MTA3: variants seen among roughly 807,000 people sequenced by gnomAD.
MTA3 encodes metastasis-associated protein MTA3.
A neutral mutation model predicts 83.5 loss-of-function variants in MTA3; 34 were observed. The ratio of observed to expected loss-of-function variants is 0.41; its 90% confidence interval spans 0.31 to 0.54. The LOEUF (loss-of-function observed/expected upper bound fraction) is 0.54. Among genes scored for constraint, MTA3 ranks in the 20% least tolerant of loss-of-function variants. MTA3 has a pLI of 0.33. For missense variants in MTA3, 761 were observed against 726.4 expected, an observed-to-expected ratio of 1.05 and a Z score of -0.55; for synonymous variants, 303 against 252.7, an observed-to-expected ratio of 1.20 and a Z score of -1.89.
chr2:42,660,732 C>T (rs191696693), intron 8 of MTA3, among the ~76,000 whole-genome samples: 1 of 152,160 alleles, frequency 6.6e-6, no homozygotes, highest in Admixed American at 6.5e-5. Flanking sequence ...ATATTGTTTT[C>T]TAATGAAATG....
chr2:42,633,787 G>C (rs967879034), intron 4 of MTA3, among the ~76,000 whole-genome samples: 3 of 150,904 alleles, frequency 2.0e-5, no homozygotes, highest in African/African-American at 7.3e-5. Context: ...CCAGCTGGAG[G>C]CTGAGGCAGG....
At chr2:42,664,944 C>T (rs1039923721) in intron 8 of MTA3, among the ~76,000 whole-genome samples, 2 of 152,182 alleles carry the variant, frequency 1.3e-5, no homozygotes, top group Non-Finnish European at 2.9e-5. Context: ...CTCACATCCT[C>T]ATTTTGAAAT....
intron 9 of MTA3, among the ~76,000 whole-genome samples, chr2:42,690,201 A>G (rs1270556692): frequency 6.6e-6 from 1 of 152,242 alleles, no homozygotes; most frequent in East Asian, 1.9e-4. Context: ...TGAAGCGTGC[A>G]TCATTAATTT....
At chr2:42,727,152 T>G (rs1034185543) in intron 16 of MTA3, among the ~76,000 whole-genome samples, 1 of 152,182 alleles carries the variant, frequency 6.6e-6, no homozygotes, top group Non-Finnish European at 1.5e-5. Context: ...GAGCTATGAT[T>G]GTATCACTGT....
At chr2:42,584,926 A>G (rs1218514723) in intron 3 of MTA3, among the ~76,000 whole-genome samples, 1 of 151,308 alleles carries the variant, frequency 6.6e-6, no homozygotes, top group Admixed American at 6.6e-5. Context: ...TAAGTCCAGA[A>G]GCCATAAGAT....
intron 16 of MTA3, among the ~76,000 whole-genome samples, chr2:42,744,615 C>T (rs191481409): frequency 6.6e-6 from 1 of 151,436 alleles, no homozygotes; most frequent in African/African-American, 2.4e-5. Flanking sequence ...AGAGCTAGGT[C>T]TGAGAGCTAG....
chr2:42,738,794 C>G (rs143335898), intron 16 of MTA3, among the ~76,000 whole-genome samples: 87 of 152,240 alleles, frequency 5.7e-4, no homozygotes, highest in African/African-American at 2.0e-3. Flanking sequence ...CTGAACTGGC[C>G]CCCCAGGGCG....
intron 2 of MTA3, among the ~76,000 whole-genome samples, chr2:42,544,850 T>C (rs1250680759): frequency 6.6e-6 from 1 of 152,198 alleles, no homozygotes; most frequent in Non-Finnish European, 1.5e-5. Flanking sequence ...GTGGGTCAAG[T>C]ACAGCCTGAT....
At chr2:42,691,355 C>T (rs977134376) in intron 9 of MTA3, among the ~76,000 whole-genome samples, 2 of 152,158 alleles carry the variant, frequency 1.3e-5, no homozygotes, top group African/African-American at 4.8e-5. Flanking sequence ...GTAATCACCT[C>T]TTAGAACATC....
At chr2:42,522,324 T>G (rs1185042077) in intron 2 of MTA3, among the ~76,000 whole-genome samples, 2 of 152,176 alleles carry the variant, frequency 1.3e-5, no homozygotes, top group African/African-American at 4.8e-5. Flanking sequence ...ATCAGAGCAC[T>G]GTGGCATCCC....
chr2:42,683,249 C>T (rs916958853), intron 9 of MTA3, among the ~76,000 whole-genome samples: 2 of 152,206 alleles, frequency 1.3e-5, no homozygotes, highest in Admixed American at 6.5e-5. Context: ...ACTAGTTGCT[C>T]TGCTTTAAGC....
At chr2:42,594,699 A>AATATATATATATAT (rs1681490940) in intron 3 of MTA3, among the ~76,000 whole-genome samples, 1 of 74,544 alleles carries the variant, frequency 1.3e-5, no homozygotes, top group African/African-American at 5.8e-5. Flanking sequence ...TACATATATA[A>AATATATATATATAT]ATATACATAT....
chr2:42,731,727 T>A (rs1441373389), intron 16 of MTA3, among the ~76,000 whole-genome samples: 1 of 152,186 alleles, frequency 6.6e-6, no homozygotes, highest in East Asian at 1.9e-4. Context: ...AAACCAATCA[T>A]GCCTTCCCAA....
At chr2:42,685,525 C>T (rs1324521666) in intron 9 of MTA3, among the ~76,000 whole-genome samples, 2 of 152,198 alleles carry the variant, frequency 1.3e-5, no homozygotes, top group Admixed American at 1.3e-4. Context: ...CTCCCTTGAA[C>T]CCCACCGGCA....
intron 2 of MTA3, among the ~76,000 whole-genome samples, chr2:42,546,540 C>G (rs145758309): frequency 6.6e-6 from 1 of 152,232 alleles, no homozygotes; most frequent in African/African-American, 2.4e-5. Flanking sequence ...AAATTACTTG[C>G]AGTTTCCTAT....
At chr2:42,733,778 G>A (rs1352650580) in intron 16 of MTA3, among the ~76,000 whole-genome samples, 1 of 152,080 alleles carries the variant, frequency 6.6e-6, no homozygotes. Context: ...GGGATTACAG[G>A]TATGAGCCAC....
At chr2:42,728,406 T>C (rs1436247842) in intron 16 of MTA3, among the ~76,000 whole-genome samples, 1 of 152,200 alleles carries the variant, frequency 6.6e-6, no homozygotes, top group Non-Finnish European at 1.5e-5. Context: ...AACATGGGAG[T>C]GCAGATATCT....
chr2:42,594,174 ACTC>A (rs373928533), intron 3 of MTA3, among the ~76,000 whole-genome samples: 74 of 149,080 alleles, frequency 5.0e-4, no homozygotes, highest in East Asian at 4.3e-3. Context: ...CTGGTCTTGA[ACTC>A]CTGACTTCAG....
At chr2:42,589,719 A>G (rs1680744075) in intron 3 of MTA3, among the ~76,000 whole-genome samples, 1 of 152,098 alleles carries the variant, frequency 6.6e-6, no homozygotes, top group Non-Finnish European at 1.5e-5. Context: ...TGCCCGGCTA[A>G]TTTTTGTATT....
Sources: gnomAD v4.1 joint callset for allele counts (sites outside exome capture counted in the v4.1 genomes callset) on GRCh38, gnomAD v4.1.1 for gene constraint, MANE v1.5 for transcripts, NCBI Gene and HGNC (gene_info 2026-07-23, HGNC 2026-07-21) for gene names.